The following TAFA2 variants were observed in gnomAD, a reference collection of about 807,000 sequenced individuals.
TAFA2 encodes chemokine-like protein TAFA-2.
In TAFA2, 7 loss-of-function variants were observed where a neutral mutation model predicts 18.8. That is an observed-to-expected ratio of 0.37 (90% confidence interval 0.21 to 0.70). The LOEUF (loss-of-function observed/expected upper bound fraction) is 0.70, where lower values mean the gene tolerates loss of function less well. Ranked by LOEUF, TAFA2 falls within the 30% of genes least tolerant of loss-of-function variation. The pLI, the probability that TAFA2 is intolerant of heterozygous loss-of-function variation, is 0.53. For synonymous variants in TAFA2, 60 were observed against 54.2 expected, an observed-to-expected ratio of 1.11 and a Z score of -0.47; for missense variants, 122 against 158.1, an observed-to-expected ratio of 0.77 and a Z score of 1.23.
At chr12:61,764,106 T>TA (rs1193022625) in intron 2 of TAFA2, among the ~76,000 whole-genome samples, 1 of 152,004 alleles carries the variant, frequency 6.6e-6, no homozygotes, top group Non-Finnish European at 1.5e-5. Context: ...CCAGGAAACA[T>TA]AATCTAACAG....
intron 1 of TAFA2, among the ~76,000 whole-genome samples, chr12:62,244,802 T>C (rs1224974833): frequency 6.6e-6 from 1 of 152,220 alleles, no homozygotes; most frequent in Non-Finnish European, 1.5e-5. Flanking sequence ...ATTGCACTTT[T>C]ATTTTGCCTT....
rs116709119 is a variant in TAFA2, at chr12:61,922,963, G to A, written c.-1-55537C>T. ...TCAGTAGGGGATCTTCCCCGACAGCGTAAACAAAGCCACCAGGAAGTTCAA... is the reference window on the plus strand; with the variant it reads ...TCAGTAGGGGATCTTCCCCGACAGCATAAACAAAGCCACCAGGAAGTTCAA... On this transcript the variant is annotated intron_variant, in intron 1 of 4. Transcript: ENST00000416284. Among the ~76,000 whole-genome samples, 854 of 152,268 alleles carry A rather than the reference G, an allele frequency of 5.6e-3. 11 individuals are homozygous for A. Among genetic ancestry groups the A allele is most frequent in the African/African-American group, 0.019 (795 of 41,548 alleles).
chr12:62,217,122 A>T (rs900093166), intron 1 of TAFA2, among the ~76,000 whole-genome samples: 1 of 152,234 alleles, frequency 6.6e-6, no homozygotes, highest in Non-Finnish European at 1.5e-5. Flanking sequence ...CATATTACAT[A>T]TTGGCAAATA....
intron 2 of TAFA2, among the ~76,000 whole-genome samples, chr12:61,863,781 C>T (rs993645073): frequency 2.0e-5 from 3 of 152,108 alleles, no homozygotes; most frequent in Non-Finnish European, 4.4e-5. Flanking sequence ...CACAGGTGCC[C>T]CCTTCTTTAG....
chr12:62,095,953 A>G (rs1868931376), intron 1 of TAFA2, among the ~76,000 whole-genome samples: 1 of 152,148 alleles, frequency 6.6e-6, no homozygotes, highest in Admixed American at 6.6e-5. Context: ...TTCAGGAAAA[A>G]GAATGCTACA....
chr12:62,088,904 CTA>C (rs554524482), intron 1 of TAFA2, among the ~76,000 whole-genome samples: 45 of 132,962 alleles, frequency 3.4e-4, no homozygotes, highest in African/African-American at 1.1e-3. Context: ...CTCTCTCTCT[CTA>C]TCTCTGTGTG....
chr12:61,904,713 G>A (rs1004122473), intron 1 of TAFA2, among the ~76,000 whole-genome samples: 4 of 152,016 alleles, frequency 2.6e-5, no homozygotes, highest in South Asian at 4.1e-4. Flanking sequence ...GCAACTTACG[G>A]TATACATATG....
intron 2 of TAFA2, among the ~76,000 whole-genome samples, chr12:61,841,820 G>A (rs1426843980): frequency 6.6e-6 from 1 of 152,050 alleles, no homozygotes; most frequent in Non-Finnish European, 1.5e-5. Flanking sequence ...TTTTTACATA[G>A]TGTATCAAAA....
chr12:61,923,484 C>G (rs1877146270), intron 1 of TAFA2, among the ~76,000 whole-genome samples: 1 of 152,156 alleles, frequency 6.6e-6, no homozygotes, highest in South Asian at 2.1e-4. Context: ...CTCCAGCAGA[C>G]CTGCAGCAGA....
intron 1 of TAFA2, among the ~76,000 whole-genome samples, chr12:62,115,890 A>G (rs1869941910): frequency 6.6e-6 from 1 of 152,202 alleles, no homozygotes; most frequent in African/African-American, 2.4e-5. Flanking sequence ...CAACTTCAGT[A>G]AAATCATTTG....
At chr12:61,947,748 C>A (rs1052357157) in intron 1 of TAFA2, among the ~76,000 whole-genome samples, 1 of 152,116 alleles carries the variant, frequency 6.6e-6, no homozygotes, top group Non-Finnish European at 1.5e-5. Flanking sequence ...TAAGTGATAG[C>A]TGTAATACAT....
chr12:62,054,898 T>C (rs1565729601), intron 1 of TAFA2, among the ~76,000 whole-genome samples: 1 of 152,228 alleles, frequency 6.6e-6, no homozygotes, highest in Non-Finnish European at 1.5e-5. Flanking sequence ...TATTTTTTTA[T>C]CTTCTAAATA....
chr12:61,971,571 G>T (rs1347877987), intron 1 of TAFA2, among the ~76,000 whole-genome samples: 1 of 151,844 alleles, frequency 6.6e-6, no homozygotes, highest in Non-Finnish European at 1.5e-5. Context: ...CATGTCCTTT[G>T]CAGGGACATG....
At chr12:62,133,921 C>A (rs1359196620) in intron 1 of TAFA2, among the ~76,000 whole-genome samples, 1 of 152,048 alleles carries the variant, frequency 6.6e-6, no homozygotes, top group Non-Finnish European at 1.5e-5. Context: ...ACCTATAAAA[C>A]TGGAGGCAGA....
At chr12:62,051,076 A>G (rs1016864425) in intron 1 of TAFA2, among the ~76,000 whole-genome samples, 3 of 152,188 alleles carry the variant, frequency 2.0e-5, no homozygotes, top group African/African-American at 7.2e-5. Context: ...CAGCATCCTT[A>G]GTGTTGCTAA....
intron 1 of TAFA2, among the ~76,000 whole-genome samples, chr12:62,048,372 A>G (rs1881964284): frequency 6.6e-6 from 1 of 152,180 alleles, no homozygotes; most frequent in Non-Finnish European, 1.5e-5. Context: ...TATCACTAGA[A>G]CAGCATGGAG....
chr12:61,865,908 T>C (rs921730143), intron 2 of TAFA2, among the ~76,000 whole-genome samples: 6 of 142,486 alleles, frequency 4.2e-5, no homozygotes, highest in African/African-American at 1.5e-4. Context: ...AGTGTTTTCT[T>C]GTTAAGTCCA....
chr12:61,977,974 G>C (rs964571079), intron 1 of TAFA2, among the ~76,000 whole-genome samples: 3 of 152,002 alleles, frequency 2.0e-5, no homozygotes, highest in African/African-American at 7.2e-5. Context: ...CCTTCTTTTA[G>C]ATTAAGAATT....
intron 4 of TAFA2, among the ~76,000 whole-genome samples, chr12:61,744,757 C>T (rs1868620894): frequency 6.6e-6 from 1 of 151,900 alleles, no homozygotes; most frequent in African/African-American, 2.4e-5. Flanking sequence ...CACTATGTTG[C>T]CCATGTTGGT....
Sources: allele counts gnomAD v4.1 joint callset (sites outside exome capture counted in the v4.1 genomes callset), GRCh38; gene constraint gnomAD v4.1.1; transcripts MANE v1.5; gene names NCBI Gene and HGNC (gene_info 2026-07-23, HGNC 2026-07-21).